The following LMOD3 variants were observed in gnomAD, a reference collection of about 807,000 sequenced individuals.
LMOD3 encodes the protein leiomodin 3.
LMOD3 carries 31 observed loss-of-function variants against 41.8 expected under a neutral mutation model. The ratio of observed to expected loss-of-function variants is 0.74; its 90% CI spans 0.56 to 1.00. The LOEUF is 1.00. Ranked by LOEUF, LMOD3 falls within the 50% of genes least tolerant of loss-of-function variation. The pLI, the probability that LMOD3 is intolerant of heterozygous loss-of-function variation, is 0.00. For missense variants in LMOD3, 755 were observed against 679.5 expected (o/e 1.11, Z -1.23); for synonymous variants, 292 against 241.9 (o/e 1.21, Z -1.92).
At chr3:69,117,319 G>A (rs2092379300) in intron 2 of LMOD3, among the ~76,000 whole-genome samples, 1 of 152,156 alleles carries the variant, frequency 6.6e-6, no homozygotes, top group South Asian at 2.1e-4. Flanking sequence ...ATATGTGAAA[G>A]ACTAGCAATT....
intron 2 of LMOD3, among the ~76,000 whole-genome samples, chr3:69,112,482 A>AGCACCTCCTG (rs2092354369): frequency 6.6e-6 from 1 of 152,242 alleles, no homozygotes; most frequent in Admixed American, 6.5e-5. Flanking sequence ...AGGTGCTATA[A>AGCACCTCCTG]AAGAGGTGTG....
In LMOD3 at chr3:69,108,903, C is replaced by T; in HGVS notation, c.*192G>A. 2.1e-6 allele frequency: 1 copy of T among 473,228 alleles called. No individual in the cohort carries two copies. The highest frequency in any genetic ancestry group is 3.7e-6 in the Non-Finnish European group (1 of 267,778). 29.3% of individuals were successfully genotyped at this position (473,228 alleles called of 1,614,324 possible). A position where few individuals can be genotyped will look rare whatever the true frequency, so the allele number is the denominator to read the frequency against. On this transcript the variant is annotated 3_prime_UTR_variant, in exon 3 of 3. Transcript: ENST00000420581. ...CTAAATATTATATTTTATCTCCTTC[C>T]ACCTTCCTCTTCAGCCCCTACTTCT...
At position 69,119,467 on chromosome 3, in the gene LMOD3, C is replaced by A. The variant is rs1310621471; in HGVS notation, c.888G>T (p.Glu296Asp). 2 of 1,613,854 alleles carry A rather than the reference C, an allele frequency of 1.2e-6. No homozygotes were observed. Among genetic ancestry groups the A allele is most frequent in the Non-Finnish European group, 1.7e-6 (2 of 1,179,886 alleles). The stretch of plus-strand genomic sequence containing the variant: ...TGTTAGCCAAGGCAAATGCTACATT[C>A]TCATCTGCACCCACATTGGCTAAAC... ...TFSLANVGAD[E>D]NVAFALANML... The change falls in exon 2 of 3, where the codon GAG becomes GAT. Residue 296 changes from glutamate to aspartate, a missense_variant. Physicochemically the swap from Glu to Asp is conservative, Grantham distance 45 (BLOSUM62 2). Coordinates refer to ENST00000420581, the MANE Select transcript of LMOD3 (RefSeq NM_198271.5).
rs558613480 is a variant in LMOD3 at position 69,106,356 on chromosome 3, T to TA, written c.*2738dup. ...AATCCAATAAATTTGGAGAAACTAA[T>TA]AAAAAAAAAGATACCTGTAATTACT... On this transcript the variant is annotated 3_prime_UTR_variant, in exon 3 of 3. Transcript: ENST00000420581. Among the ~76,000 whole-genome samples, 665 of 150,552 alleles carry TA rather than the reference T, an allele frequency of 4.4e-3. 5 individuals carry two copies. The highest frequency in any genetic ancestry group is 0.015 in the African/African-American group (618 of 41,056).
Position 69,109,351 on chromosome 3 carries a change from TA to T in LMOD3, c.1657-231del, listed in dbSNP as rs57639163. 0.066 allele frequency among the ~76,000 whole-genome samples: 10,035 copies of T among 152,010 alleles called. 813 individuals carry two copies. The highest frequency in any genetic ancestry group is 0.32 in the East Asian group (1,651 of 5,160). On this transcript the variant is annotated intron_variant, in intron 2 of 2. Coordinates refer to ENST00000420581, the MANE Select transcript of LMOD3 (RefSeq NM_198271.5). ...CAAGAGCTTTGAGCACATGGCAAAG[TA>T]ACATCATGGAAATAAGAGGGCGGGT...
rs777598001 is a variant in LMOD3 at position 69,118,874 on chromosome 3, T to A, written c.1481A>T (p.Gln494Leu). The change falls in exon 2 of 3, where the codon CAG (glutamine) becomes CTG (leucine). Residue 494 changes from glutamine (Q) to leucine (L), a missense_variant. Physicochemically the swap from Gln to Leu is moderately radical, Grantham distance 113. Transcript: ENST00000420581. The stretch of plus-strand genomic sequence containing the variant: ...GGCTTCCGGCATCCGAGATTTGCGC[T>A]GGATTCTCTTCAGCTTCACCACCCG... ...SFRVVKLKRI[Q>L]RKSRMPEARE... The A allele has an allele frequency of 1.9e-6, 3 of 1,611,104 alleles. No individual in the cohort carries two copies.
chr3:69,118,780 C>T lies in LMOD3; in HGVS notation c.1575G>A (p.Arg525=), dbSNP rs766157059. 4.3e-6 allele frequency: 7 copies of T among 1,611,396 alleles called. No homozygotes were observed. In the African/African-American group the frequency reaches 5.4e-5, roughly 12 times the overall value. ...IKTLKPVPRN[R]PPPLVEITPR... The stretch of plus-strand genomic sequence containing the variant: ...GAGTGATTTCCACCAATGGGGGTGG[C>T]CTGTTTCTCGGCACTGGCTTGAGCG... Residue 525 remains arginine (R), a synonymous_variant, in exon 2 of 3, where the codon AGG becomes AGA. Coordinates refer to ENST00000420581, the MANE Select transcript of LMOD3 (RefSeq NM_198271.5).
chr3:69,113,989 A>C (rs1245222943), intron 2 of LMOD3, among the ~76,000 whole-genome samples: 7 of 152,244 alleles, frequency 4.6e-5, no homozygotes, highest in African/African-American at 7.2e-5. Flanking sequence ...TAGATAAGAC[A>C]AAGATTTTTA....
Position 69,122,518 on chromosome 3 carries a change from T to C in LMOD3, c.-132A>G. On this transcript the variant is annotated 5_prime_UTR_variant, in exon 1 of 3. Coordinates refer to ENST00000420581, the MANE Select transcript of LMOD3 (RefSeq NM_198271.5). ...AGTTAACACACCCTTGAGATATTTT[T>C]TTTTTTTTCCCAGGAACCTCAGTGG... 1 of 709,448 alleles carries C rather than the reference T, an allele frequency of 1.4e-6. No homozygotes were observed. The highest frequency in any genetic ancestry group is 2.3e-6 in the Non-Finnish European group (1 of 441,236). 43.9% of individuals were successfully genotyped at this position (709,448 alleles called of 1,614,324 possible). A position where few individuals can be genotyped will look rare whatever the true frequency, so the allele number is the denominator to read the frequency against.
chr3:69,118,687 C>G lies in LMOD3; in HGVS notation c.1656+12G>C. The G allele has an allele frequency of 6.2e-7, 1 of 1,603,562 alleles. No individual in the cohort carries two copies. Among genetic ancestry groups the G allele is most frequent in the Non-Finnish European group, 8.5e-7 (1 of 1,173,838 alleles). ...GGGTGCTCAGTCACCATTTCTCCCT[C>G]CTTCTACTTACAGGTTTAAGATAGG... On this transcript the variant is annotated intron_variant, in intron 2 of 2. Coordinates refer to ENST00000420581, the MANE Select transcript of LMOD3 (RefSeq NM_198271.5).
At position 69,106,766 on chromosome 3, in the gene LMOD3, C is replaced by T. The variant is rs1441227378; in HGVS notation, c.*2329G>A. 1.3e-5 allele frequency: 2 copies of T among 149,798 alleles called. No homozygotes were observed. The highest frequency in any genetic ancestry group is 2.5e-5 in the African/African-American group (1 of 40,450). 9.3% of individuals were successfully genotyped at this position (149,798 alleles called of 1,614,324 possible). On this transcript the variant is annotated 3_prime_UTR_variant, in exon 3 of 3. Transcript: ENST00000420581. Reference sequence around the variant, plus strand: ...GGAGTGCAATGGTGCAATCTCAGCTCACTGCAACCTCCACCTCCCATGTTC... The same window carrying T: ...GGAGTGCAATGGTGCAATCTCAGCTTACTGCAACCTCCACCTCCCATGTTC...
chr3:69,115,705 C>T (rs1401131828), intron 2 of LMOD3, among the ~76,000 whole-genome samples: 1 of 152,182 alleles, frequency 6.6e-6, no homozygotes, highest in African/African-American at 2.4e-5. Context: ...ATCAAGTGAA[C>T]ATTGTCTTGT....
rs768068957 is a variant in LMOD3, at chr3:69,119,140, T to C, written c.1215A>G (p.Gln405=). 5 of 1,613,888 alleles carry C rather than the reference T, an allele frequency of 3.1e-6. No homozygotes were observed. Among genetic ancestry groups the C allele is most frequent in the Non-Finnish European group, 4.2e-6 (5 of 1,179,872 alleles). Residue 405 remains glutamine, a synonymous_variant, in exon 2 of 3, where the codon CAA becomes CAG. Coordinates refer to ENST00000420581, the MANE Select transcript of LMOD3 (RefSeq NM_198271.5). ...TCTGTTCCTTGAGTTGCTGCTGTTT[T>C]TGCTCTTCCTGTCGTTTCTGCCTTT... is the stretch of plus-strand genomic sequence containing the variant. The part of the protein sequence containing the change: ...DKQRQKRQEE[Q]KQQQLKEQKK...
chr3:69,111,789 A>T (rs775402599), intron 2 of LMOD3, among the ~76,000 whole-genome samples: 1 of 152,154 alleles, frequency 6.6e-6, no homozygotes, highest in Non-Finnish European at 1.5e-5. Context: ...AGAATAGTAA[A>T]CCCAGACACA....
chr3:69,115,083 T>C (rs2092365389), intron 2 of LMOD3, among the ~76,000 whole-genome samples: 1 of 152,144 alleles, frequency 6.6e-6, no homozygotes, highest in Non-Finnish European at 1.5e-5. Flanking sequence ...TTGTTGCTCA[T>C]GTTGGTCTTG....
At chr3:69,117,885 A>G (rs145749029) in intron 2 of LMOD3, among the ~76,000 whole-genome samples, 2,219 of 147,976 alleles carry the variant, frequency 0.015, 62 homozygotes, top group African/African-American at 0.053. Context: ...AGGCTGGAGT[A>G]CAGTGGTGCA....
At chr3:69,117,806 C>G (rs2092382517) in intron 2 of LMOD3, among the ~76,000 whole-genome samples, 1 of 149,648 alleles carries the variant, frequency 6.7e-6, no homozygotes, top group African/African-American at 2.5e-5. Flanking sequence ...ATTCCATTAT[C>G]TACAAACAAC....
At chr3:69,121,966 A>T in intron 1 of LMOD3, 127 bp downstream of exon 1, 1 of 693,818 alleles carries the variant, frequency 1.4e-6, no homozygotes, top group Non-Finnish European at 2.4e-6. Context: ...ATTATGGTTT[A>T]ATCTAGATAT....
At chr3:69,118,668 T>G (rs1381704002) in intron 2 of LMOD3, 31 bp downstream of exon 2, 1 of 1,590,150 alleles carries the variant, frequency 6.3e-7, no homozygotes, top group Non-Finnish European at 8.6e-7. Context: ...TGGAGGGTGC[T>G]CAGTCACCAT....
Sources: allele counts gnomAD v4.1 joint callset (sites outside exome capture counted in the v4.1 genomes callset), GRCh38; gene constraint gnomAD v4.1.1; transcripts MANE v1.5; gene names NCBI Gene and HGNC (gene_info 2026-07-23, HGNC 2026-07-21).